The following AFG3L2 variants were observed in gnomAD, a reference collection of about 807,000 sequenced individuals.
The protein encoded by AFG3L2 is AFG3 like matrix AAA peptidase subunit 2.
A neutral mutation model predicts 94.5 loss-of-function variants in AFG3L2; 54 were observed. That is an observed-to-expected ratio of 0.57 (90% CI 0.46 to 0.72). The LOEUF (loss-of-function observed/expected upper bound fraction) is 0.72, where lower values mean the gene tolerates loss of function less well. Among genes scored for constraint, AFG3L2 ranks in the 30% least tolerant of loss-of-function variants. The pLI is 0.00. For synonymous variants in AFG3L2, 377 were observed against 365.5 expected (o/e 1.03, Z -0.36); for missense variants, 754 against 994.9 (o/e 0.76, Z 3.26).
chr18:12,360,061 C>CA lies in AFG3L2; in HGVS notation c.628-11dup. On this transcript the variant is annotated splice_polypyrimidine_tract_variant and intron_variant, in intron 6 of 16. Coordinates refer to ENST00000269143, the MANE Select transcript of AFG3L2 (RefSeq NM_006796.3). ...TAAACCAAACGTATTGCTATAAAAA[C>CA]AAAAAAACAAATATCCTAAGAATGT... The CA allele has an allele frequency of 9.9e-6, 16 of 1,612,228 alleles. No individual in the cohort carries two copies. The highest frequency in any genetic ancestry group is 1.4e-5 in the Non-Finnish European group (16 of 1,178,974).
At chr18:12,357,893 C>A (rs1262608569) in intron 8 of AFG3L2, among the ~76,000 whole-genome samples, 2 of 152,158 alleles carry the variant, frequency 1.3e-5, no homozygotes, top group Non-Finnish European at 2.9e-5. Context: ...GCCACTGCGC[C>A]TGGCCCTACA....
At chr18:12,332,932 C>CTATATAAAATATAATATATATTA in intron 16 of AFG3L2, among the ~76,000 whole-genome samples, 1 of 113,046 alleles carries the variant, frequency 8.8e-6, no homozygotes, top group Non-Finnish European at 1.7e-5. Context: ...ATAACATATA[C>CTATATAAAATATAATATATATTA]TATATAACAT....
chr18:12,342,450 CCT>C (rs1907983707), intron 14 of AFG3L2: 1 of 152,106 alleles, frequency 6.6e-6, no homozygotes, highest in South Asian at 2.1e-4. Flanking sequence ...AGAAATAAGT[CCT>C]TTGTCCTGTA....
chr18:12,349,312 G>A (rs1462437629), intron 12 of AFG3L2, among the ~76,000 whole-genome samples: 1 of 152,116 alleles, frequency 6.6e-6, no homozygotes, highest in Non-Finnish European at 1.5e-5. Context: ...GGTTACTGGT[G>A]GGAATGTAAA....
intron 1 of AFG3L2, among the ~76,000 whole-genome samples, chr18:12,375,368 C>G (rs1396638854): frequency 6.7e-6 from 1 of 148,244 alleles, no homozygotes; most frequent in African/African-American, 2.5e-5. Context: ...CTTGGCCCCC[C>G]GAGTTGCTGG....
At position 12,363,870 on chromosome 18, in the gene AFG3L2, AATAAATTCACAC is replaced by A; in HGVS notation, c.553-26_553-15del. On this transcript the variant is annotated splice_polypyrimidine_tract_variant and intron_variant, in intron 5 of 16. Transcript: ENST00000269143. Reference sequence around the variant, plus strand: ...CAATCTGTCTACCTAGAATTTTAAAAATAAATTCACACATAAATTCACAGAAAATACTTGAGA... The same window carrying A: ...CAATCTGTCTACCTAGAATTTTAAAAATAAATTCACAGAAAATACTTGAGA... 3 of 1,594,200 alleles carry A rather than the reference AATAAATTCACAC, an allele frequency of 1.9e-6. No homozygotes were observed. The highest frequency in any genetic ancestry group is 2.6e-6 in the Non-Finnish European group (3 of 1,162,412).
At chr18:12,333,875 G>C (rs1445136698) in intron 16 of AFG3L2, among the ~76,000 whole-genome samples, 1 of 152,172 alleles carries the variant, frequency 6.6e-6, no homozygotes, top group Non-Finnish European at 1.5e-5. Context: ...TCTGCAGGCA[G>C]GACACCTGGG....
intron 13 of AFG3L2, among the ~76,000 whole-genome samples, chr18:12,347,930 G>A (rs1380151859): frequency 6.6e-6 from 1 of 152,202 alleles, no homozygotes; most frequent in East Asian, 1.9e-4. Context: ...TAAACAGGAA[G>A]GTTGTGAGCT....
At chr18:12,370,286 T>G (rs1401642081) in intron 3 of AFG3L2, among the ~76,000 whole-genome samples, 1 of 152,242 alleles carries the variant, frequency 6.6e-6, no homozygotes, top group Middle Eastern at 3.4e-3. Flanking sequence ...GTGCCAGATA[T>G]CTACCAAATA....
chr18:12,346,881 G>C (rs537087641), intron 13 of AFG3L2, among the ~76,000 whole-genome samples: 1 of 144,938 alleles, frequency 6.9e-6, no homozygotes, highest in South Asian at 2.3e-4. Flanking sequence ...TTCAGCCTGG[G>C]GGAGAGGGCA....
chr18:12,341,227 C>T (rs941088927), intron 14 of AFG3L2: 3 of 152,188 alleles, frequency 2.0e-5, no homozygotes, highest in Admixed American at 1.3e-4. Flanking sequence ...GCAGCCTTTC[C>T]TTTCCAGTCC....
At chr18:12,356,263 T>C (rs1908491955) in intron 9 of AFG3L2, among the ~76,000 whole-genome samples, 1 of 152,030 alleles carries the variant, frequency 6.6e-6, no homozygotes, top group Non-Finnish European at 1.5e-5. Context: ...GAGATTCTCC[T>C]GCCTCAGCCT....
intron 3 of AFG3L2, among the ~76,000 whole-genome samples, chr18:12,370,469 TTTTTTTTTTTC>T (rs1390911798): frequency 1.8e-4 from 24 of 134,230 alleles, no homozygotes; most frequent in African/African-American, 7.4e-4. Context: ...CTTTCTTTTT[TTTTTTTTTTTC>T]TTTTTTTTTT....
intron 9 of AFG3L2, among the ~76,000 whole-genome samples, chr18:12,353,514 CA>C (rs71172076): frequency 0.49 from 40,067 of 81,152 alleles, 6,175 homozygotes; most frequent in South Asian, 0.59. Flanking sequence ...AATTCTGTCT[CA>C]AAAAAAAAAA....
chr18:12,354,630 C>G (rs1057186984), intron 9 of AFG3L2, among the ~76,000 whole-genome samples: 1 of 152,220 alleles, frequency 6.6e-6, no homozygotes, highest in Non-Finnish European at 1.5e-5. Flanking sequence ...CCAGCACTGC[C>G]AAGGTTGCCT....
chr18:12,370,323 T>C (rs561207965), intron 3 of AFG3L2, among the ~76,000 whole-genome samples: 19 of 152,300 alleles, frequency 1.2e-4, no homozygotes, highest in African/African-American at 4.1e-4. Flanking sequence ...ACAATACCTC[T>C]AAGGTAGCCT....
At chr18:12,331,808 A>AATAAAT (rs1389928934) in intron 16 of AFG3L2, among the ~76,000 whole-genome samples, 19 of 146,336 alleles carry the variant, frequency 1.3e-4, no homozygotes, top group African/African-American at 4.8e-4. Flanking sequence ...TAAATAAATA[A>AATAAAT]ATATATATAT....
chr18:12,337,719 A>G (rs966698887), intron 15 of AFG3L2, among the ~76,000 whole-genome samples, 184 bp from the exon 16 acceptor site: 4 of 152,078 alleles, frequency 2.6e-5, no homozygotes, highest in Non-Finnish European at 4.4e-5. Context: ...CAGGCATAAC[A>G]CCTACAACAA....
Position 12,349,371 on chromosome 18 carries a change from T to G in AFG3L2, c.1553-988A>C, listed in dbSNP as rs1258334615. Among the ~76,000 whole-genome samples the G allele has an allele frequency of 3.3e-5, 5 of 152,086 alleles. No individual in the cohort carries two copies. The East Asian group carries it at 9.6e-4, about 29-fold the overall frequency. ...CTGGCAGTTCCTCAAAAAGTTAGAG[T>G]TACCATATCACCCAGCAATTCCACT... On this transcript the variant is annotated intron_variant, in intron 12 of 16. Transcript: ENST00000269143.
Sources: gnomAD v4.1 joint callset for allele counts (sites outside exome capture counted in the v4.1 genomes callset) on GRCh38, gnomAD v4.1.1 for gene constraint, MANE v1.5 for transcripts, NCBI Gene and HGNC (gene_info 2026-07-23, HGNC 2026-07-21) for gene names.